FOXJ3: variants seen among roughly 807,000 people sequenced by gnomAD.
The protein encoded by FOXJ3 is forkhead box protein J3.
Under a neutral mutation model 76.1 loss-of-function variants are expected in FOXJ3, and 22 were observed. That is an observed-to-expected ratio of 0.29 (90% confidence interval 0.21 to 0.41). FOXJ3 has a LOEUF of 0.41. FOXJ3 is among the 10% of genes least tolerant of loss of function. The pLI is 1.00. For synonymous variants in FOXJ3, 269 were observed against 261.2 expected (o/e 1.03, Z -0.29); for missense variants, 613 against 762.1 (o/e 0.80, Z 2.30).
intron 4 of FOXJ3, among the ~76,000 whole-genome samples, chr1:42,261,611 T>C (rs1186531401): frequency 6.6e-6 from 1 of 152,206 alleles, no homozygotes; most frequent in African/African-American, 2.4e-5. Context: ...AAGATTAGGT[T>C]GTTCTTCACA....
At position 42,177,476 on chromosome 1, in the gene FOXJ3, A is replaced by C. The variant is rs1646235788; in HGVS notation, c.*2234T>G. ...CTATTTTGGTGTCTAGAAAACAGTGACTTAAGCAAACCATTGAAAATCACC... is the reference window on the plus strand; with the variant it reads ...CTATTTTGGTGTCTAGAAAACAGTGCCTTAAGCAAACCATTGAAAATCACC... On this transcript the variant is annotated 3_prime_UTR_variant, in exon 13 of 13. Transcript: ENST00000361346. 1 of 152,634 alleles carries C rather than the reference A, an allele frequency of 6.6e-6. No homozygotes were observed. The highest frequency in any genetic ancestry group is 1.9e-4 in the East Asian group (1 of 5,196). The allele number at this position is 152,634 out of a possible 1,614,324, so 9.5% of individuals were successfully genotyped here.
chr1:42,263,011 A>G (rs1161045391), intron 4 of FOXJ3, among the ~76,000 whole-genome samples: 2 of 152,238 alleles, frequency 1.3e-5, no homozygotes, highest in African/African-American at 4.8e-5. Flanking sequence ...ACAAAACCTT[A>G]AAACTGAAAA....
rs5773766 is a variant in FOXJ3 at position 42,294,762 on chromosome 1, C to CAAAAAAAAAAAAAAAAAA, written c.45-16091_45-16090insTTTTTTTTTTTTTTTTTT. ...GGGCAACAAGAGCGAAACTTGGTCT[C>CAAAAAAAAAAAAAAAAAA]AAAAAAAAAAAAAAAAGACGCCATG... On this transcript the variant is annotated intron_variant, in intron 2 of 12. Coordinates refer to ENST00000361346, the MANE Select transcript of FOXJ3 (RefSeq NM_014947.5). 1.4e-3 allele frequency among the ~76,000 whole-genome samples: 145 copies of CAAAAAAAAAAAAAAAAAA among 105,626 alleles called. 4 individuals are homozygous for CAAAAAAAAAAAAAAAAAA. The highest frequency in any genetic ancestry group is 5.3e-3 in the African/African-American group (140 of 26,312). 69.3% of individuals were successfully genotyped at this position (105,626 alleles called of 152,430 possible). A position where few individuals can be genotyped will look rare whatever the true frequency, so the allele number is the denominator to read the frequency against.
intron 1 of FOXJ3, chr1:42,315,360 A>C: frequency 3.2e-6 from 3 of 943,102 alleles, no homozygotes; most frequent in Non-Finnish European, 3.8e-6. Flanking sequence ...ATAAAAAGCT[A>C]ATTTTTTTAA....
intron 4 of FOXJ3, among the ~76,000 whole-genome samples, chr1:42,255,485 C>T (rs968461591): frequency 9.9e-5 from 15 of 152,154 alleles, no homozygotes; most frequent in Non-Finnish European, 1.5e-4. Flanking sequence ...CAAACAGCAA[C>T]AATACCAATA....
chr1:42,273,462 T>C (rs1322931152), intron 3 of FOXJ3, among the ~76,000 whole-genome samples: 1 of 151,986 alleles, frequency 6.6e-6, no homozygotes, highest in African/African-American at 2.4e-5. Context: ...TCACTTGAAG[T>C]CAGGAGTTCG....
chr1:42,318,117 T>C (rs1434391809), intron 1 of FOXJ3, among the ~76,000 whole-genome samples: 1 of 152,186 alleles, frequency 6.6e-6, no homozygotes, highest in Non-Finnish European at 1.5e-5. Flanking sequence ...ATACAGTCTT[T>C]TGTATCCATC....
At chr1:42,203,995 C>CAAA (rs35629903) in intron 6 of FOXJ3, among the ~76,000 whole-genome samples, 1 of 125,330 alleles carries the variant, frequency 8.0e-6, no homozygotes. Flanking sequence ...GATCCTGTCT[C>CAAA]AAAAAAAAAA....
intron 4 of FOXJ3, among the ~76,000 whole-genome samples, chr1:42,237,407 T>TACATAC (rs1288342009): frequency 7.0e-3 from 89 of 12,666 alleles, no homozygotes; most frequent in African/African-American, 0.015. Context: ...CATACATACA[T>TACATAC]ATATATATAT....
intron 2 of FOXJ3, among the ~76,000 whole-genome samples, chr1:42,305,683 G>GT (rs1336054370): frequency 6.6e-6 from 1 of 152,204 alleles, no homozygotes; most frequent in Non-Finnish European, 1.5e-5. Context: ...GAGATAGAGA[G>GT]TAGAAGGATC....
At chr1:42,267,729 T>G (rs1174989855) in intron 3 of FOXJ3, among the ~76,000 whole-genome samples, 1 of 151,996 alleles carries the variant, frequency 6.6e-6, no homozygotes, top group Non-Finnish European at 1.5e-5. Flanking sequence ...GTGGACAACT[T>G]GCTTGCATAA....
chr1:42,284,843 T>C (rs1039991625), intron 2 of FOXJ3, among the ~76,000 whole-genome samples: 1 of 152,162 alleles, frequency 6.6e-6, no homozygotes, highest in African/African-American at 2.4e-5. Context: ...AGACAACAAA[T>C]CACAGTAACA....
At chr1:42,322,508 G>A (rs1227267660) in intron 1 of FOXJ3, among the ~76,000 whole-genome samples, 1 of 151,972 alleles carries the variant, frequency 6.6e-6, no homozygotes, top group African/African-American at 2.4e-5. Flanking sequence ...GTTGAATCTC[G>A]ATGGGTAAAG....
intron 1 of FOXJ3, among the ~76,000 whole-genome samples, chr1:42,319,793 A>G (rs1450988583): frequency 6.6e-6 from 1 of 152,214 alleles, no homozygotes; most frequent in Non-Finnish European, 1.5e-5. Flanking sequence ...CAAACCCCAA[A>G]GCTGGAACAG....
At chr1:42,223,461 T>G (rs1647309110) in intron 5 of FOXJ3, among the ~76,000 whole-genome samples, 1 of 152,226 alleles carries the variant, frequency 6.6e-6, no homozygotes. Context: ...CACAATAATT[T>G]AAACGGTCTT....
chr1:42,214,177 A>G (rs1647020685), intron 5 of FOXJ3, among the ~76,000 whole-genome samples: 1 of 151,966 alleles, frequency 6.6e-6, no homozygotes, highest in South Asian at 2.1e-4. Context: ...TAAACAAACA[A>G]AAAAAAAGCT....
intron 12 of FOXJ3, among the ~76,000 whole-genome samples, chr1:42,180,580 A>AT (rs1375660951): frequency 1.4e-4 from 21 of 151,428 alleles, no homozygotes; most frequent in East Asian, 5.8e-4. Context: ...GTTTTACTGG[A>AT]TTTTTTTTTA....
chr1:42,243,042 G>C (rs1021070515), intron 4 of FOXJ3, among the ~76,000 whole-genome samples: 2 of 152,146 alleles, frequency 1.3e-5, no homozygotes, highest in African/African-American at 4.8e-5. Context: ...ATATATTCAA[G>C]TGCTGGAAGA....
intron 4 of FOXJ3, among the ~76,000 whole-genome samples, chr1:42,229,616 C>T (rs1647898105): frequency 6.6e-6 from 1 of 152,108 alleles, no homozygotes; most frequent in Non-Finnish European, 1.5e-5. Flanking sequence ...AAAACGGTCA[C>T]TACATTTCAG....
Sources: gnomAD v4.1 joint callset for allele counts (sites outside exome capture counted in the v4.1 genomes callset) on GRCh38, gnomAD v4.1.1 for gene constraint, MANE v1.5 for transcripts, NCBI Gene and HGNC (gene_info 2026-07-23, HGNC 2026-07-21) for gene names.